ENGASE: variants seen among roughly 807,000 people sequenced by gnomAD.
ENGASE encodes the protein cytosolic endo-beta-N-acetylglucosaminidase.
Under a neutral mutation model 78.5 loss-of-function variants are expected in ENGASE, and 69 were observed. The observed-to-expected ratio is 0.88, with a 90% CI of 0.72 to 1.07. The LOEUF is 1.07. Ranked by LOEUF, ENGASE falls within the 50% of genes least tolerant of loss-of-function variation. The probability of loss-of-function intolerance (pLI) is 0.00; values close to 1 mark genes in which losing one functional copy is unlikely to be tolerated. For missense variants in ENGASE, 943 were observed against 988.4 expected, an observed-to-expected ratio of 0.95 and a Z score of 0.62; for synonymous variants, 408 against 408.9, an observed-to-expected ratio of 1.00 and a Z score of 0.03.
At position 79,077,882 on chromosome 17, in the gene ENGASE, C is replaced by G. The variant is rs1301373548; in HGVS notation, c.416+18C>G. ...GATGACAGGTGAGGACCTGGCCTTA[C>G]ATTGATGTTGCTTACATTGTTCTCC... On this transcript the variant is annotated intron_variant, in intron 3 of 13. Coordinates refer to ENST00000579016, the MANE Select transcript of ENGASE (RefSeq NM_001042573.3). 1 of 1,362,980 alleles carries G rather than the reference C, an allele frequency of 7.3e-7. No individual in the cohort carries two copies. 84.4% of individuals were successfully genotyped at this position (1,362,980 alleles called of 1,614,324 possible). A position where few individuals can be genotyped will look rare whatever the true frequency, so the allele number is the denominator to read the frequency against.
At position 79,083,094 on chromosome 17, in the gene ENGASE, G is replaced by A; in HGVS notation, c.1113G>A (p.Glu371=). ...FAPGWVYECL[E]KKDFFQNQDK... is the part of the protein sequence containing the mutation. The stretch of plus-strand genomic sequence containing the variant: ...CCGGCTGGGTGTATGAGTGTCTGGA[G>A]AAGAAGGATTTCTTCCAGAACCAGG... The change falls in exon 8 of 14, where the codon GAG becomes GAA. Residue 371 remains glutamate (E), a synonymous_variant. Transcript: ENST00000579016. The surrounding 1 kb of genome is among the most constrained non-coding windows in gnomAD (Gnocchi z 4.9). 6.2e-7 allele frequency: 1 copy of A among 1,613,932 alleles called. No individual in the cohort carries two copies. Among genetic ancestry groups the A allele is most frequent in the Non-Finnish European group, 8.5e-7 (1 of 1,179,900 alleles).
chr17:79,086,452 C>T lies in ENGASE; in HGVS notation c.*103C>T, dbSNP rs1010258772. ...ACCTGCTAAGTGCCCACAGTGGCAGCGAGGTCCCGGTCCCGGGGCTGGGGT... is the reference window on the plus strand; with the variant it reads ...ACCTGCTAAGTGCCCACAGTGGCAGTGAGGTCCCGGTCCCGGGGCTGGGGT... On this transcript the variant is annotated 3_prime_UTR_variant, in exon 14 of 14. Transcript: ENST00000579016. 45 of 1,388,332 alleles carry T rather than the reference C, an allele frequency of 3.2e-5. No individual in the cohort carries two copies. Among genetic ancestry groups the T allele is most frequent in the Non-Finnish European group, 3.7e-5 (39 of 1,046,942 alleles). The allele number at this position is 1,388,332 out of a possible 1,614,324, so 86.0% of individuals were successfully genotyped here.
At chr17:79,077,521 A>G (rs374236018) in intron 2 of ENGASE, 24 bp downstream of exon 2, 49 of 1,546,354 alleles carry the variant, frequency 3.2e-5, no homozygotes, top group Non-Finnish European at 4.2e-5. Context: ...GGCTCTGAAT[A>G]CCGATCCACC....
chr17:79,087,265 G>A lies in ENGASE; in HGVS notation c.*916G>A. 2.9e-6 allele frequency: 1 copy of A among 346,264 alleles called. No individual in the cohort carries two copies. Among genetic ancestry groups the A allele is most frequent in the Non-Finnish European group, 5.8e-6 (1 of 173,244 alleles). The allele number at this position is 346,264 out of a possible 1,614,324, so 21.4% of individuals were successfully genotyped here. ...GTGCAGGAGCTGCAGGACCCGCGGGGGCTTTTCCAGCTACTCTGTTCCTTC... is the reference window on the plus strand; with the variant it reads ...GTGCAGGAGCTGCAGGACCCGCGGGAGCTTTTCCAGCTACTCTGTTCCTTC... On this transcript the variant is annotated 3_prime_UTR_variant, in exon 14 of 14. Coordinates refer to ENST00000579016, the MANE Select transcript of ENGASE (RefSeq NM_001042573.3).
rs201460330 is a variant in ENGASE at position 79,085,967 on chromosome 17, C to G, written c.1850C>G (p.Pro617Arg). 8.0e-5 allele frequency: 128 copies of G among 1,605,324 alleles called. No individual in the cohort carries two copies. Among genetic ancestry groups the G allele is most frequent in the Non-Finnish European group, 6.8e-6 (8 of 1,179,060 alleles). ...GCTGCCAGCCTGCTGGCCCCTCTGCCCCAGGTGCAGGCCGTCACCATCTCT... is the reference window on the plus strand; with the variant it reads ...GCTGCCAGCCTGCTGGCCCCTCTGCGCCAGGTGCAGGCCGTCACCATCTCT... ...VDAASLLAPL[P>R]QVQAVTISHI... is the part of the protein sequence containing the mutation. Residue 617 changes from proline to arginine, a missense_variant, in exon 14 of 14, where the codon CCC (proline) becomes CGC (arginine). Pro to Arg is a moderately radical substitution (Grantham distance 103, BLOSUM62 -2). Coordinates refer to ENST00000579016, the MANE Select transcript of ENGASE (RefSeq NM_001042573.3).
rs2073298282 is a variant in ENGASE, at chr17:79,086,114, G to A, written c.1997G>A (p.Trp666Ter). 1 of 1,613,624 alleles carries A rather than the reference G, an allele frequency of 6.2e-7. No homozygotes were observed. Among genetic ancestry groups the A allele is most frequent in the African/African-American group, 1.3e-5 (1 of 74,952 alleles). Reference sequence around the variant, plus strand: ...GTCCGTTGCTTCCGAATCCACTGCTGGGGAGGGATGAGTGATGACTCTCCG... The same window carrying A: ...GTCCGTTGCTTCCGAATCCACTGCTAGGGAGGGATGAGTGATGACTCTCCG... Reference protein sequence around the residue: ...SQVRCFRIHCWGGMSDDSPGR... With the variant: ...SQVRCFRIHC Residue 666 changes from tryptophan (W) to a stop codon, truncating the protein, a stop_gained, in exon 14 of 14, where the codon TGG (tryptophan) becomes TAG (stop). Transcript: ENST00000579016. LOFTEE classifies it low-confidence loss of function (END_TRUNC).
rs937475135 is a variant in ENGASE at position 79,077,512 on chromosome 17, G to C, written c.214+15G>C. On this transcript the variant is annotated intron_variant, in intron 2 of 13. Transcript: ENST00000579016. Reference sequence around the variant, plus strand: ...CCCCCTGCCAGGTGAGGAGACAGAGGCTCTGAATACCGATCCACCTTCACA... The same window carrying C: ...CCCCCTGCCAGGTGAGGAGACAGAGCCTCTGAATACCGATCCACCTTCACA... 6 of 1,550,094 alleles carry C rather than the reference G, an allele frequency of 3.9e-6. No homozygotes were observed. Among genetic ancestry groups the C allele is most frequent in the Non-Finnish European group, 4.3e-6 (5 of 1,152,380 alleles).
chr17:79,086,439 C>T lies in ENGASE; in HGVS notation c.*90C>T, dbSNP rs1568096365. 6.9e-7 allele frequency: 1 copy of T among 1,443,692 alleles called. No individual in the cohort carries two copies. Among genetic ancestry groups the T allele is most frequent in the East Asian group, 2.4e-5 (1 of 41,572 alleles). 89.4% of individuals were successfully genotyped at this position (1,443,692 alleles called of 1,614,324 possible). On this transcript the variant is annotated 3_prime_UTR_variant, in exon 14 of 14. Coordinates refer to ENST00000579016, the MANE Select transcript of ENGASE (RefSeq NM_001042573.3). ...TGGCCTGCGCTGGACCTGCTAAGTG[C>T]CCACAGTGGCAGCGAGGTCCCGGTC... is the stretch of plus-strand genomic sequence containing the variant.
intron 7 of ENGASE, chr17:79,082,794 C>T (rs1212105856): frequency 6.7e-7 from 1 of 1,487,308 alleles, no homozygotes; most frequent in Admixed American, 2.0e-5. Context: ...GCCCCCCTGC[C>T]CTTGCAGCAG....
intron 12 of ENGASE, 49 bp from the exon 13 acceptor site, chr17:79,085,571 G>A: frequency 3.7e-6 from 6 of 1,604,968 alleles, no homozygotes; most frequent in African/African-American, 1.3e-5. Context: ...GGCTCACCCT[G>A]GAGCCTCTGG....
intron 7 of ENGASE, 167 bp from the exon 8 acceptor site, chr17:79,082,852 CG>C (rs1568091505): frequency 6.4e-7 from 1 of 1,552,756 alleles, no homozygotes; most frequent in Admixed American, 1.8e-5. Flanking sequence ...TGTGGAACGA[CG>C]GGGGTGATGC....
intron 1 of ENGASE, 112 bp from the exon 2 acceptor site, chr17:79,077,318 C>T: frequency 1.1e-6 from 1 of 928,844 alleles, no homozygotes; most frequent in South Asian, 1.7e-5. Context: ...TATTAAACAA[C>T]ATAAGGCAGA....
rs902806781 is a variant in ENGASE, at chr17:79,083,527, C to T, written c.1188C>T (p.Cys396=). The change falls in exon 9 of 14, where the codon TGC becomes TGT. Residue 396 remains cysteine (C), a synonymous_variant. Transcript: ENST00000579016. This position sits in a 1 kb window ranked among gnomAD's most constrained non-coding sequence, Gnocchi z 4.9. ...LERYLPTHSI[C]SLPFVTSFCL... ...GTTATCTGCCCACACATAGCATCTG[C>T]TCCTTGCCTTTCGTCACGTCCTTCT... 4.3e-6 allele frequency: 7 copies of T among 1,614,254 alleles called. No individual in the cohort carries two copies. Among genetic ancestry groups the T allele is most frequent in the Middle Eastern group, 1.6e-4 (1 of 6,062 alleles).
chr17:79,082,086 G>A, intron 7 of ENGASE, 23 bp downstream of exon 7: 2 of 1,614,174 alleles, frequency 1.2e-6, no homozygotes, highest in South Asian at 2.2e-5. Flanking sequence ...TTTCGTCCAA[G>A]GGCCAGCGGC....
rs2073149346 is a variant in ENGASE at position 79,081,874 on chromosome 17, C to T, written c.873-24C>T. On this transcript the variant is annotated intron_variant, in intron 6 of 13. Transcript: ENST00000579016. ...CCCATCCTTCTGGGCCTGGGCCTCACAGCAGGTCCTTGTTGCTTCTCAGGG... is the reference window on the plus strand; with the variant it reads ...CCCATCCTTCTGGGCCTGGGCCTCATAGCAGGTCCTTGTTGCTTCTCAGGG... The T allele has an allele frequency of 2.5e-6, 4 of 1,596,122 alleles. No individual in the cohort carries two copies. The East Asian group carries it at 9.0e-5, about 36-fold the overall frequency.
Position 79,083,463 on chromosome 17 carries a change from G to GCCC in ENGASE, c.1143-16_1143-14dup, listed in dbSNP as rs754301378. The GCCC allele has an allele frequency of 3.1e-6, 5 of 1,596,718 alleles. No homozygotes were observed. The South Asian group carries it at 5.5e-5, about 18-fold the overall frequency. ...CTCCCTTCCTCCGGACCGAGCTGTT[G>GCCC]CCCCCATGTCTCTGGCAGGTTCTGG... On this transcript the variant is annotated intron_variant, in intron 8 of 13. Coordinates refer to ENST00000579016, the MANE Select transcript of ENGASE (RefSeq NM_001042573.3). This position sits in a 1 kb window ranked among gnomAD's most constrained non-coding sequence, Gnocchi z 4.9.
At position 79,077,845 on chromosome 17, in the gene ENGASE, G is replaced by T. The variant is rs768901173; in HGVS notation, c.397G>T (p.Gly133Cys). 5 of 1,613,656 alleles carry T rather than the reference G, an allele frequency of 3.1e-6. No individual in the cohort carries two copies. Among genetic ancestry groups the T allele is most frequent in the Admixed American group, 1.7e-5 (1 of 60,002 alleles). Residue 133 changes from glycine (G) to cysteine (C), a missense_variant, in exon 3 of 14, where the codon GGC (glycine) becomes TGC (cysteine). By Grantham distance (159) the Gly-to-Cys change is radical (BLOSUM62 -3). Coordinates refer to ENST00000579016, the MANE Select transcript of ENGASE (RefSeq NM_001042573.3). ...GACTTTGTTGTGTCATGACATGATG[G>T]GCGGGTACCTGGATGACAGGTGAGG... ...PRTLLCHDMM[G>C]GYLDDRFIQG...
intron 3 of ENGASE, 68 bp downstream of exon 3, chr17:79,077,932 G>C: frequency 1.5e-6 from 2 of 1,300,210 alleles, no homozygotes; most frequent in Non-Finnish European, 2.1e-6. Flanking sequence ...GGCTGGAGGG[G>C]CGGGAGAGAG....
At position 79,084,546 on chromosome 17, in the gene ENGASE, C is replaced by A. The variant is rs765326830; in HGVS notation, c.1451C>A (p.Ser484Tyr). The change falls in exon 11 of 14, where the codon TCC (serine) becomes TAC (tyrosine). Residue 484 changes from serine to tyrosine, a missense_variant. Ser to Tyr is a moderately radical substitution (Grantham distance 144). Coordinates refer to ENST00000579016, the MANE Select transcript of ENGASE (RefSeq NM_001042573.3). ...AGGACCTTTTTCCCCAGGTTATTTT[C>A]CCTGCAGGCCCCAGTGCCACCCAAG... ...EVGNVAVRLF[S>Y]LQAPVPPKIY... 2.5e-6 allele frequency: 4 copies of A among 1,569,984 alleles called. No individual in the cohort carries two copies. In the Admixed American group the frequency reaches 8.1e-5, roughly 32 times the overall value.
Sources: gnomAD v4.1 joint callset for allele counts on GRCh38, gnomAD v4.1.1 for gene constraint, Gnocchi (gnomAD v3.1) non-coding constraint, MANE v1.5 for transcripts, NCBI Gene and HGNC (gene_info 2026-07-23, HGNC 2026-07-21) for gene names.